Variants in PRKG1 observed in about 807,000 individuals in gnomAD.
PRKG1 encodes the protein protein kinase cGMP-dependent 1.
Under a neutral mutation model 88.1 loss-of-function variants are expected in PRKG1, and 35 were observed. The observed-to-expected ratio is 0.40, with a 90% CI of 0.30 to 0.53. The LOEUF (loss-of-function observed/expected upper bound fraction) is 0.53, where lower values mean the gene tolerates loss of function less well. PRKG1 is among the 20% of genes least tolerant of loss of function. The pLI, the probability that PRKG1 is intolerant of heterozygous loss-of-function variation, is 0.59. For missense variants in PRKG1, 540 were observed against 839.8 expected (o/e 0.64, Z 4.41); for synonymous variants, 303 against 292.5 (o/e 1.04, Z -0.37).
chr10:51,133,330 C>T (rs912661828), intron 1 of PRKG1, among the ~76,000 whole-genome samples: 2 of 152,192 alleles, frequency 1.3e-5, no homozygotes, highest in African/African-American at 2.4e-5. Flanking sequence ...GGTACCTTTT[C>T]TCTCCTTTGC....
At chr10:52,008,734 G>GT (rs1366817461) in intron 5 of PRKG1, among the ~76,000 whole-genome samples, 1 of 151,780 alleles carries the variant, frequency 6.6e-6, no homozygotes, top group Non-Finnish European at 1.5e-5. Context: ...TTCCTCCCCA[G>GT]TTTTTTGGAA....
chr10:51,000,563 A>G (rs1267033151), intron 1 of PRKG1, among the ~76,000 whole-genome samples: 1 of 152,240 alleles, frequency 6.6e-6, no homozygotes, highest in Non-Finnish European at 1.5e-5. Flanking sequence ...AATGGTTCCC[A>G]AAGTGTGATG....
At chr10:52,290,400 C>A in intron 17 of PRKG1, 110 bp downstream of exon 17, 1 of 919,870 alleles carries the variant, frequency 1.1e-6, no homozygotes, top group Non-Finnish European at 1.6e-6. Context: ...GTTAAACAAA[C>A]TCTAGGAAAA....
chr10:52,094,812 T>A lies in PRKG1; in HGVS notation c.935+32181T>A, dbSNP rs142570268. Among the ~76,000 whole-genome samples the A allele has an allele frequency of 4.3e-4, 66 of 152,280 alleles. No individual in the cohort carries two copies. The East Asian group carries it at 0.012, about 28-fold the overall frequency. Reference sequence around the variant, plus strand: ...TCCCATCTTGAGGACCCTACTACACTCATGGCCTCATGTAGAGCTAAATAC... The same window carrying A: ...TCCCATCTTGAGGACCCTACTACACACATGGCCTCATGTAGAGCTAAATAC... On this transcript the variant is annotated intron_variant, in intron 7 of 17. Coordinates refer to ENST00000373980, the MANE Select transcript of PRKG1 (RefSeq NM_006258.4).
intron 10 of PRKG1, among the ~76,000 whole-genome samples, chr10:52,260,233 C>G (rs978186128): frequency 3.9e-5 from 6 of 151,984 alleles, no homozygotes; most frequent in Non-Finnish European, 7.4e-5. Context: ...GTATCGTTAG[C>G]CTTTTTGTAA....
At chr10:52,120,361 C>A (rs979543467) in intron 7 of PRKG1, among the ~76,000 whole-genome samples, 2 of 152,044 alleles carry the variant, frequency 1.3e-5, no homozygotes, top group African/African-American at 4.8e-5. Context: ...ATCCCAATAG[C>A]CCCCAAAGTT....
chr10:51,679,213 T>C (rs1002908098), intron 3 of PRKG1, among the ~76,000 whole-genome samples: 13 of 152,224 alleles, frequency 8.5e-5, no homozygotes, highest in African/African-American at 2.4e-4. Context: ...TTTCATTCAA[T>C]TCTGAGTCAG....
rs915916516 is a variant in PRKG1, at chr10:52,293,458, A to G, written c.1963-344A>G. Among the ~76,000 whole-genome samples the G allele has an allele frequency of 1.1e-3, 162 of 152,204 alleles. 4 individuals are homozygous for G. The highest frequency in any genetic ancestry group is 2.2e-4 in the Non-Finnish European group (15 of 68,030). ...AAAAAGAGCCTGCATCGCCAAGTCA[A>G]TCCTGAGCCAAAGAACAAAGCTGGA... On this transcript the variant is annotated intron_variant, in intron 17 of 17. Transcript: ENST00000373980.
intron 3 of PRKG1, among the ~76,000 whole-genome samples, chr10:51,531,016 T>C (rs1344552123): frequency 6.6e-6 from 1 of 152,066 alleles, no homozygotes; most frequent in African/African-American, 2.4e-5. Flanking sequence ...AATTTTCTGA[T>C]GGAATGGGGG....
chr10:51,773,741 A>G (rs762132183), intron 3 of PRKG1, among the ~76,000 whole-genome samples: 11 of 152,058 alleles, frequency 7.2e-5, no homozygotes, highest in Non-Finnish European at 1.6e-4. Context: ...ACCATTATTC[A>G]TCTCATTTAA....
At chr10:51,324,047 A>G (rs908083605) in intron 2 of PRKG1, among the ~76,000 whole-genome samples, 1 of 152,224 alleles carries the variant, frequency 6.6e-6, no homozygotes, top group Non-Finnish European at 1.5e-5. Flanking sequence ...GAATGATTAC[A>G]TCAGAGTAAT....
rs1844999893 is a variant in PRKG1, at chr10:52,014,977, T to G, written c.763-39507T>G. ...GGTACAGCCCCCACAGCTGATTTAA[T>G]GGGCTGGCATAGAGTGCCTGTGGCT... is the stretch of plus-strand genomic sequence containing the variant. On this transcript the variant is annotated intron_variant, in intron 5 of 17. Transcript: ENST00000373980. Among the ~76,000 whole-genome samples, 3 of 152,240 alleles carry G rather than the reference T, an allele frequency of 2.0e-5. No homozygotes were observed. The South Asian group carries it at 6.2e-4, about 31-fold the overall frequency.
chr10:52,272,743 G>C (rs931416900), intron 12 of PRKG1, among the ~76,000 whole-genome samples: 2 of 151,570 alleles, frequency 1.3e-5, no homozygotes, highest in African/African-American at 4.8e-5. Flanking sequence ...CATGGCCTTA[G>C]TTTTGCATGA....
chr10:52,066,113 C>T (rs1846348668), intron 7 of PRKG1, among the ~76,000 whole-genome samples: 1 of 152,148 alleles, frequency 6.6e-6, no homozygotes. Context: ...TCTTAAATGT[C>T]ACCAGAGATT....
intron 9 of PRKG1, among the ~76,000 whole-genome samples, chr10:52,247,609 G>A (rs1434307915): frequency 6.6e-6 from 1 of 152,096 alleles, no homozygotes; most frequent in Non-Finnish European, 1.5e-5. Flanking sequence ...GAATGAAAAT[G>A]TCCCTCCCAG....
intron 2 of PRKG1, among the ~76,000 whole-genome samples, chr10:51,205,587 G>A (rs1838037558): frequency 6.6e-6 from 1 of 151,976 alleles, no homozygotes; most frequent in African/African-American, 2.4e-5. Context: ...CCTAGCTGGA[G>A]TGCAGTGGTA....
intron 4 of PRKG1, among the ~76,000 whole-genome samples, chr10:51,898,555 C>A (rs1239156626): frequency 6.6e-6 from 1 of 151,966 alleles, no homozygotes; most frequent in Non-Finnish European, 1.5e-5. Flanking sequence ...AAAATTTTGG[C>A]CAGGCACAGT....
At chr10:51,198,617 G>A (rs1837834263) in intron 2 of PRKG1, among the ~76,000 whole-genome samples, 1 of 152,160 alleles carries the variant, frequency 6.6e-6, no homozygotes, top group South Asian at 2.1e-4. Context: ...ATTCATGGAG[G>A]AAGACTCTAT....
rs138546903 is a variant in PRKG1, at chr10:52,178,386, A to G, written c.1076+16423A>G. ...GATAAGATACTTGATATAATTTAAA[A>G]TTTTTTAATATTTTGAGAATTTTGT... On this transcript the variant is annotated intron_variant, in intron 9 of 17. Coordinates refer to ENST00000373980, the MANE Select transcript of PRKG1 (RefSeq NM_006258.4). Among the ~76,000 whole-genome samples, 4 of 152,178 alleles carry G rather than the reference A, an allele frequency of 2.6e-5. No homozygotes were observed. The East Asian group carries it at 7.7e-4, about 29-fold the overall frequency.
Sources: gnomAD v4.1 joint callset for allele counts (sites outside exome capture counted in the v4.1 genomes callset) on GRCh38, gnomAD v4.1.1 for gene constraint, MANE v1.5 for transcripts, NCBI Gene and HGNC (gene_info 2026-07-23, HGNC 2026-07-21) for gene names.